Variants in RGS22 observed in about 807,000 individuals in gnomAD.
RGS22 encodes the protein regulator of G protein signaling 22, also known as regulator of G-protein signaling 22.
A neutral mutation model predicts 172.9 loss-of-function variants in RGS22; 148 were observed. That is an observed-to-expected ratio of 0.86 (90% CI 0.75 to 0.98). The LOEUF (loss-of-function observed/expected upper bound fraction) is 0.98, where lower values mean the gene tolerates loss of function less well. RGS22 is among the 50% of genes least tolerant of loss of function. RGS22 has a pLI of 0.00. For missense variants in RGS22, 1,347 were observed against 1,440.8 expected (o/e 0.93, Z 1.05); for synonymous variants, 458 against 480.2 (o/e 0.95, Z 0.60).
At chr8:99,977,102 C>G (rs1812038204) in intron 23 of RGS22, among the ~76,000 whole-genome samples, 1 of 151,532 alleles carries the variant, frequency 6.6e-6, no homozygotes, top group Admixed American at 6.6e-5. Flanking sequence ...ATGTATCATT[C>G]TGTAATTTTT....
intron 14 of RGS22, among the ~76,000 whole-genome samples, chr8:100,024,530 A>C (rs1563630995): frequency 6.6e-6 from 1 of 152,244 alleles, no homozygotes; most frequent in Non-Finnish European, 1.5e-5. Context: ...CAAGGTAAAC[A>C]GAGCAGACTG....
chr8:100,056,267 C>T (rs1182355511), intron 9 of RGS22, among the ~76,000 whole-genome samples: 3 of 151,982 alleles, frequency 2.0e-5, no homozygotes, highest in South Asian at 2.1e-4. Flanking sequence ...TTCTAAGCAG[C>T]GAAGCATTCA....
intron 10 of RGS22, among the ~76,000 whole-genome samples, chr8:100,048,280 T>C (rs982802815): frequency 6.6e-6 from 1 of 152,114 alleles, no homozygotes; most frequent in Non-Finnish European, 1.5e-5. Flanking sequence ...GGAAAAATCC[T>C]TATGATAAAA....
chr8:100,051,079 C>A (rs1168836893), intron 10 of RGS22, among the ~76,000 whole-genome samples: 1 of 151,560 alleles, frequency 6.6e-6, no homozygotes, highest in Non-Finnish European at 1.5e-5. Flanking sequence ...TCAAGAATAG[C>A]CTCTCTGATT....
rs758897255 is a variant in RGS22 at position 100,071,355 on chromosome 8, G to C, written c.594+14C>G. 7 of 1,579,882 alleles carry C rather than the reference G, an allele frequency of 4.4e-6. No individual in the cohort carries two copies. In the Admixed American group the frequency reaches 5.7e-5, roughly 13 times the overall value. On this transcript the variant is annotated intron_variant, in intron 6 of 27. Coordinates refer to ENST00000360863, the MANE Select transcript of RGS22 (RefSeq NM_015668.5). ...GTGAAGCGCTAAGTCATGAAAAAAT[G>C]CTCATACTTTTACCTCACCAAGTGA...
chr8:100,017,475 G>A (rs1817123151), intron 14 of RGS22, among the ~76,000 whole-genome samples: 1 of 152,112 alleles, frequency 6.6e-6, no homozygotes, highest in South Asian at 2.1e-4. Context: ...AATTCAGTTT[G>A]TCAATCCTTT....
At position 99,990,226 on chromosome 8, in the gene RGS22, C is replaced by T. The variant is rs79612882; in HGVS notation, c.3019-2607G>A. Among the ~76,000 whole-genome samples the T allele has an allele frequency of 0.01, 1,585 of 152,178 alleles. 55 individuals are homozygous for T. The East Asian group carries it at 0.1, about 10-fold the overall frequency. Reference sequence around the variant, plus strand: ...GTTAGATGTGATAATGAGCTATGATCATACTACTGCACGGTAGCCTGGGCA... The same window carrying T: ...GTTAGATGTGATAATGAGCTATGATTATACTACTGCACGGTAGCCTGGGCA... On this transcript the variant is annotated intron_variant, in intron 20 of 27. Coordinates refer to ENST00000360863, the MANE Select transcript of RGS22 (RefSeq NM_015668.5).
At chr8:100,072,043 A>G in intron 5 of RGS22, 102 bp downstream of exon 5, 1 of 690,238 alleles carries the variant, frequency 1.4e-6, no homozygotes, top group Non-Finnish European at 2.4e-6. Context: ...CAAAGAATTT[A>G]AAAGATTTGC....
At position 99,982,051 on chromosome 8, in the gene RGS22, G is replaced by A. The variant is rs1172663978; in HGVS notation, c.3246C>T (p.Cys1082=). 1.2e-6 allele frequency: 2 copies of A among 1,613,756 alleles called. No individual in the cohort carries two copies. Among genetic ancestry groups the A allele is most frequent in the Non-Finnish European group, 1.7e-6 (2 of 1,179,756 alleles). The stretch of plus-strand genomic sequence containing the variant: ...CTGGTGGAATACTGGAATTAATAAA[G>A]CAGTTGATAATAGTTGTAATCTTCT... ...IQKKITTIIN[C]FINSSIPPAL... The change falls in exon 22 of 28, where the codon TGC becomes TGT. Residue 1082 remains cysteine (C), a synonymous_variant. Coordinates refer to ENST00000360863, the MANE Select transcript of RGS22 (RefSeq NM_015668.5).
intron 11 of RGS22, 39 bp from the exon 12 acceptor site, chr8:100,041,955 GAACT>G (rs758950549): frequency 1.6e-5 from 21 of 1,316,236 alleles, no homozygotes; most frequent in Admixed American, 3.5e-5. Flanking sequence ...ATAAGAATGA[GAACT>G]AACTGATCAA....
intron 14 of RGS22, among the ~76,000 whole-genome samples, chr8:100,015,239 C>G (rs948986278): frequency 1.3e-5 from 2 of 152,152 alleles, no homozygotes; most frequent in African/African-American, 4.8e-5. Flanking sequence ...ATTATCCTTT[C>G]CTAACTTCTA....
intron 3 of RGS22, among the ~76,000 whole-genome samples, chr8:100,082,002 T>G (rs1811799461): frequency 6.6e-6 from 1 of 151,960 alleles, no homozygotes; most frequent in South Asian, 2.1e-4. Context: ...GTTAACTAGT[T>G]AGTTCAATGG....
intron 23 of RGS22, among the ~76,000 whole-genome samples, chr8:99,967,364 G>A (rs1810857896): frequency 6.6e-6 from 1 of 151,736 alleles, no homozygotes; most frequent in Non-Finnish European, 1.5e-5. Flanking sequence ...GTGGAGCCTG[G>A]AACCCCAGCG....
At chr8:100,023,601 T>C (rs1817849109) in intron 14 of RGS22, among the ~76,000 whole-genome samples, 1 of 151,988 alleles carries the variant, frequency 6.6e-6, no homozygotes, top group Non-Finnish European at 1.5e-5. Flanking sequence ...ACCTGGCTAA[T>C]TTTTTTAATT....
rs937797635 is a variant in RGS22, at chr8:100,012,806, G to T, written c.2167-4237C>A. Among the ~76,000 whole-genome samples, 4 of 152,176 alleles carry T rather than the reference G, an allele frequency of 2.6e-5. No homozygotes were observed. The East Asian group carries it at 7.7e-4, about 29-fold the overall frequency. On this transcript the variant is annotated intron_variant, in intron 14 of 27. Coordinates refer to ENST00000360863, the MANE Select transcript of RGS22 (RefSeq NM_015668.5). ...CCTAAATTACTTACATTAAAAATCAGTAGTCAGGCTAAATTAGGGGAGAAA... is the reference window on the plus strand; with the variant it reads ...CCTAAATTACTTACATTAAAAATCATTAGTCAGGCTAAATTAGGGGAGAAA...
intron 4 of RGS22, among the ~76,000 whole-genome samples, chr8:100,075,343 CCTA>C (rs1316612982): frequency 6.6e-6 from 1 of 152,068 alleles, no homozygotes; most frequent in Admixed American, 6.5e-5. Context: ...CTGGTGCCTC[CCTA>C]CTCTCTCCCT....
intron 6 of RGS22, 109 bp downstream of exon 6, chr8:100,071,260 C>G: frequency 1.0e-6 from 1 of 972,190 alleles, no homozygotes; most frequent in Non-Finnish European, 1.5e-6. Context: ...TGCACTCCAG[C>G]CTGGTGACAG....
chr8:99,999,555 C>G (rs1393467834), intron 18 of RGS22, 135 bp from the exon 19 acceptor site: 2 of 784,256 alleles, frequency 2.6e-6, no homozygotes, highest in Non-Finnish European at 4.0e-6. Flanking sequence ...TGTATAACAT[C>G]TCCTGGCTAT....
intron 14 of RGS22, among the ~76,000 whole-genome samples, chr8:100,018,728 A>G (rs1037724816): frequency 6.6e-6 from 1 of 152,138 alleles, no homozygotes; most frequent in Admixed American, 6.5e-5. Context: ...TGCAATTTAT[A>G]TTTTTCCAAC....
Sources: allele counts gnomAD v4.1 joint callset (sites outside exome capture counted in the v4.1 genomes callset), GRCh38; gene constraint gnomAD v4.1.1; transcripts MANE v1.5; gene names NCBI Gene and HGNC (gene_info 2026-07-23, HGNC 2026-07-21).